RXRG: variants seen among roughly 807,000 people sequenced by gnomAD.
RXRG encodes retinoic acid receptor RXR-gamma.
RXRG carries 19 observed loss-of-function variants against 49.2 expected under a neutral mutation model. That is an observed-to-expected ratio of 0.39 (90% CI 0.27 to 0.57). RXRG has a LOEUF of 0.57. RXRG is among the 20% of genes least tolerant of loss of function. The pLI, the probability that RXRG is intolerant of heterozygous loss-of-function variation, is 0.64. For synonymous variants in RXRG, 224 were observed against 216.6 expected (o/e 1.03, Z -0.30); for missense variants, 452 against 592.5 (o/e 0.76, Z 2.46).
chr1:165,431,510 C>A (rs1658674841), intron 1 of RXRG, among the ~76,000 whole-genome samples: 1 of 152,238 alleles, frequency 6.6e-6, no homozygotes, highest in Non-Finnish European at 1.5e-5. Context: ...GAGCCATAAA[C>A]TCCACTGAGA....
At position 165,401,263 on chromosome 1, in the gene RXRG, T is replaced by A. The variant is rs202113272; in HGVS notation, c.1392A>T (p.Ter464CysextTer39). The change falls in exon 10 of 10, where the codon TGA (stop) becomes TGT (cysteine). Residue 464 changes from the stop codon to cysteine, a stop_lost. Transcript: ENST00000359842. The stretch of plus-strand genomic sequence containing the variant: ...GTGGGGAGGCTGTGGCTGGTGGGGC[T>A]CAGGTGATCTGCAGCGGGGTCTCCA... ...EMLETPLQIT[*>C] The A allele has an allele frequency of 1.9e-5, 30 of 1,613,820 alleles. No homozygotes were observed. Among genetic ancestry groups the A allele is most frequent in the Non-Finnish European group, 2.5e-5 (29 of 1,179,954 alleles).
At chr1:165,413,836 C>T (rs766306830) in intron 4 of RXRG, among the ~76,000 whole-genome samples, 5 of 152,152 alleles carry the variant, frequency 3.3e-5, no homozygotes, top group Non-Finnish European at 5.9e-5. Context: ...GGACGTGTTA[C>T]GTTAGAGAAT....
chr1:165,416,990 C>T, intron 4 of RXRG, 51 bp downstream of exon 4: 1 of 1,555,098 alleles, frequency 6.4e-7, no homozygotes, highest in Non-Finnish European at 8.8e-7. Flanking sequence ...GTCCCCTTGC[C>T]TAGGAAATGC....
At chr1:165,424,828 T>C in intron 2 of RXRG, 1 of 985,496 alleles carries the variant, frequency 1.0e-6, no homozygotes. Flanking sequence ...GAAGGCAGGA[T>C]GCATAGGAAT....
Position 165,401,312 on chromosome 1 carries a change from A to G in RXRG, c.1343T>C (p.Ile448Thr). The G allele has an allele frequency of 6.2e-7, 1 of 1,614,090 alleles. No homozygotes were observed. Among genetic ancestry groups the G allele is most frequent in the Non-Finnish European group, 8.5e-7 (1 of 1,180,002 alleles). ...FFFKLIGDTPIDTFLMEMLET... is the reference protein window; with the variant it reads ...FFFKLIGDTPTDTFLMEMLET... Reference sequence around the variant, plus strand: ...CAACATCTCCATGAGGAAGGTGTCAATGGGGGTGTCCCCGATGAGCTTGAA... The same window carrying G: ...CAACATCTCCATGAGGAAGGTGTCAGTGGGGGTGTCCCCGATGAGCTTGAA... Residue 448 changes from isoleucine (I) to threonine (T), a missense_variant, in exon 10 of 10, where the codon ATT (isoleucine) becomes ACT (threonine). Around this residue, in one of 2 missense-constraint regions of RXRG, gnomAD observed 286 missense variants for 440.9 expected, o/e 0.65. Transcript: ENST00000359842.
intron 1 of RXRG, chr1:165,436,815 C>T (rs919347654): frequency 6.2e-6 from 4 of 648,016 alleles, no homozygotes; most frequent in Non-Finnish European, 7.8e-6. Context: ...CTTTTATCAG[C>T]TACTGTAACC....
chr1:165,444,996 G>T lies in RXRG; in HGVS notation c.-103C>A. 2.7e-6 allele frequency: 3 copies of T among 1,105,912 alleles called. No homozygotes were observed. The highest frequency in any genetic ancestry group is 4.1e-6 in the Non-Finnish European group (3 of 722,918). The allele number at this position is 1,105,912 out of a possible 1,614,324, so 68.5% of individuals were successfully genotyped here. ...GGCTTTCTTCAACTTGGGCTAACAA[G>T]AGTGGTCATCGCTTCCTAGCAGCCC... On this transcript the variant is annotated 5_prime_UTR_variant, in exon 1 of 10. Coordinates refer to ENST00000359842, the MANE Select transcript of RXRG (RefSeq NM_006917.5).
chr1:165,435,007 A>G (rs1334397461), intron 1 of RXRG, among the ~76,000 whole-genome samples: 2 of 152,194 alleles, frequency 1.3e-5, no homozygotes, highest in African/African-American at 4.8e-5. Context: ...ATGGTTCTAA[A>G]CACTTTATAC....
At chr1:165,401,501 C>A in intron 9 of RXRG, 91 bp from the exon 10 acceptor site, 3 of 1,436,772 alleles carry the variant, frequency 2.1e-6, no homozygotes, top group Non-Finnish European at 2.9e-6. Context: ...TTGGCCTTCT[C>A]GACCCATCTG....
At chr1:165,416,981 T>C in intron 4 of RXRG, 60 bp downstream of exon 4, 1 of 1,510,074 alleles carries the variant, frequency 6.6e-7, no homozygotes, top group Non-Finnish European at 9.0e-7. Flanking sequence ...CAGTTGAATG[T>C]CCCCTTGCCT....
rs571264901 is a variant in RXRG at position 165,412,795 on chromosome 1, C to A, written c.623-1686G>T. ...CCTCCTTCTGTCTCATCCTTACTTT[C>A]TGCTCACTCTGTCAGACTTCATTCA... On this transcript the variant is annotated intron_variant, in intron 4 of 9. Coordinates refer to ENST00000359842, the MANE Select transcript of RXRG (RefSeq NM_006917.5). Among the ~76,000 whole-genome samples, 3 of 152,184 alleles carry A rather than the reference C, an allele frequency of 2.0e-5. No individual in the cohort carries two copies. In the South Asian group the frequency reaches 6.2e-4, roughly 31 times the overall value.
intron 4 of RXRG, among the ~76,000 whole-genome samples, chr1:165,416,515 T>G (rs751210094): frequency 3.2e-4 from 49 of 152,052 alleles, no homozygotes; most frequent in Middle Eastern, 3.2e-3. Context: ...TATACCAATA[T>G]CAAAGATTTG....
intron 4 of RXRG, among the ~76,000 whole-genome samples, chr1:165,414,698 A>G (rs1658073237): frequency 6.6e-6 from 1 of 152,164 alleles, no homozygotes; most frequent in African/African-American, 2.4e-5. Flanking sequence ...ATGGTGGGGG[A>G]AGCTCCAAGG....
chr1:165,441,953 T>C (rs968152315), intron 1 of RXRG, among the ~76,000 whole-genome samples: 1 of 152,230 alleles, frequency 6.6e-6, no homozygotes, highest in African/African-American at 2.4e-5. Flanking sequence ...AGCAATCTGT[T>C]GCTCACTGAT....
At chr1:165,421,522 G>C (rs1392187756) in intron 2 of RXRG, among the ~76,000 whole-genome samples, 1 of 134,036 alleles carries the variant, frequency 7.5e-6, no homozygotes, top group Non-Finnish European at 1.5e-5. Context: ...CCTTGGCTCT[G>C]GCATTTCTTT....
At chr1:165,424,900 T>C (rs1387583883) in intron 2 of RXRG, 32 of 985,422 alleles carry the variant, frequency 3.2e-5, no homozygotes, top group Non-Finnish European at 3.9e-5. Context: ...TTTTTTCCAG[T>C]GTCATCTCGT....
intron 9 of RXRG, among the ~76,000 whole-genome samples, chr1:165,405,467 G>T (rs972795066): frequency 6.6e-6 from 1 of 152,254 alleles, no homozygotes; most frequent in East Asian, 1.9e-4. Flanking sequence ...TTTGTGGCCA[G>T]CTGGGCCACG....
At chr1:165,424,915 C>G (rs973137250) in intron 2 of RXRG, 26 of 985,534 alleles carry the variant, frequency 2.6e-5, no homozygotes, top group Non-Finnish European at 3.1e-5. Context: ...TCTCGTTAAC[C>G]GAGCAAAGCA....
At chr1:165,435,834 C>T (rs1296572752) in intron 1 of RXRG, among the ~76,000 whole-genome samples, 3 of 152,176 alleles carry the variant, frequency 2.0e-5, no homozygotes, top group African/African-American at 7.2e-5. Context: ...GGTTGGCACA[C>T]TTTTTCTTTC....
Sources: allele counts gnomAD v4.1 joint callset (sites outside exome capture counted in the v4.1 genomes callset), GRCh38; gene constraint gnomAD v4.1.1; regional missense constraint gnomAD v4.1.1; transcripts MANE v1.5; gene names NCBI Gene and HGNC (gene_info 2026-07-23, HGNC 2026-07-21).